The following HIBADH variants were observed in gnomAD, a reference collection of about 807,000 sequenced individuals.
HIBADH encodes 3-hydroxyisobutyrate dehydrogenase, mitochondrial.
HIBADH carries 25 observed loss-of-function variants against 36.1 expected under a neutral mutation model. The observed-to-expected ratio is 0.69, with a 90% CI of 0.50 to 0.97. HIBADH has a LOEUF of 0.97. Ranked by LOEUF, HIBADH falls within the 50% of genes least tolerant of loss-of-function variation. The pLI is 0.00. For synonymous variants in HIBADH, 160 were observed against 149.5 expected, an observed-to-expected ratio of 1.07 and a Z score of -0.51; for missense variants, 421 against 418.0, an observed-to-expected ratio of 1.01 and a Z score of -0.06.
At chr7:27,615,627 T>A (rs1785411683) in intron 4 of HIBADH, among the ~76,000 whole-genome samples, 1 of 152,220 alleles carries the variant, frequency 6.6e-6, no homozygotes, top group African/African-American at 2.4e-5. Context: ...TTTGTGGTGA[T>A]GCTGGTATAA....
intron 4 of HIBADH, among the ~76,000 whole-genome samples, chr7:27,573,683 T>TAG (rs1784662024): frequency 9.8e-5 from 15 of 152,298 alleles, no homozygotes; most frequent in Non-Finnish European, 1.3e-4. Flanking sequence ...GCAGACTCTC[T>TAG]AAGGCTGTGT....
intron 4 of HIBADH, among the ~76,000 whole-genome samples, chr7:27,625,945 T>C (rs1227336721): frequency 6.6e-6 from 1 of 151,484 alleles, no homozygotes; most frequent in African/African-American, 2.4e-5. Context: ...CTACTAAAAA[T>C]ACAAAAATTA....
Position 27,542,981 on chromosome 7 carries a change from C to G in HIBADH, c.604G>C (p.Val202Leu). Residue 202 changes from valine to leucine, a missense_variant, in exon 5 of 8, where the codon GTT (valine) becomes CTT (leucine). Transcript: ENST00000265395. ...MGSNVVYCGA[V>L]GTGQAAKICN... ...AAAAATCTTACCTGCCCAGTCCCAA[C>G]AGCTCCACAGTACACCACGTTGGAG... The G allele has an allele frequency of 1.2e-6, 2 of 1,613,626 alleles. No individual in the cohort carries two copies. Among genetic ancestry groups the G allele is most frequent in the Non-Finnish European group, 1.7e-6 (2 of 1,179,740 alleles).
chr7:27,639,196 C>T lies in HIBADH; in HGVS notation c.253-6751G>A, dbSNP rs577401415. Among the ~76,000 whole-genome samples the T allele has an allele frequency of 2.0e-5, 3 of 152,254 alleles. No homozygotes were observed. In the East Asian group the frequency reaches 5.8e-4, roughly 29 times the overall value. ...AAGACATGGAACCAACCTAAATGCCCATCAATGGTAGACTGAATAAAGAAA... is the reference window on the plus strand; with the variant it reads ...AAGACATGGAACCAACCTAAATGCCTATCAATGGTAGACTGAATAAAGAAA... On this transcript the variant is annotated intron_variant, in intron 2 of 7. Coordinates refer to ENST00000265395, the MANE Select transcript of HIBADH (RefSeq NM_152740.4).
intron 4 of HIBADH, among the ~76,000 whole-genome samples, chr7:27,606,875 C>A (rs776755751): frequency 3.9e-5 from 6 of 152,184 alleles, no homozygotes; most frequent in Non-Finnish European, 8.8e-5. Context: ...TTAAACTTTA[C>A]AGTTTTCAGT....
At chr7:27,574,490 C>T (rs562580850) in intron 4 of HIBADH, among the ~76,000 whole-genome samples, 2 of 151,938 alleles carry the variant, frequency 1.3e-5, no homozygotes, top group Admixed American at 6.5e-5. Flanking sequence ...ACATTCCAAA[C>T]TCCAAACAGG....
At chr7:27,564,484 C>T (rs986378445) in intron 4 of HIBADH, among the ~76,000 whole-genome samples, 4 of 152,278 alleles carry the variant, frequency 2.6e-5, no homozygotes, top group African/African-American at 9.6e-5. Flanking sequence ...AAAACATTCA[C>T]GAGTCTTATT....
At chr7:27,637,128 A>T (rs1343193634) in intron 2 of HIBADH, among the ~76,000 whole-genome samples, 1 of 152,228 alleles carries the variant, frequency 6.6e-6, no homozygotes, top group East Asian at 1.9e-4. Context: ...TAGTAGTAGC[A>T]GCAGCAGTAA....
intron 1 of HIBADH, among the ~76,000 whole-genome samples, chr7:27,661,905 G>A (rs921519121): frequency 6.6e-6 from 1 of 152,044 alleles, no homozygotes; most frequent in East Asian, 1.9e-4. Context: ...CTCATCCAAG[G>A]GGCCTCATGT....
At chr7:27,630,729 C>A (rs954637119) in intron 3 of HIBADH, among the ~76,000 whole-genome samples, 3 of 151,634 alleles carry the variant, frequency 2.0e-5, no homozygotes, top group African/African-American at 7.3e-5. Context: ...AGCAAGACCT[C>A]GTCTAAAATA....
chr7:27,595,115 C>T (rs1785009218), intron 4 of HIBADH, among the ~76,000 whole-genome samples: 1 of 151,964 alleles, frequency 6.6e-6, no homozygotes. Context: ...TATGATAATT[C>T]CAAGCTTCTG....
At chr7:27,594,421 G>T (rs1468270341) in intron 4 of HIBADH, among the ~76,000 whole-genome samples, 2 of 152,142 alleles carry the variant, frequency 1.3e-5, no homozygotes. Flanking sequence ...GGGATTACAG[G>T]CGTGAGCCAC....
chr7:27,650,712 T>TA (rs59073946), intron 1 of HIBADH, among the ~76,000 whole-genome samples: 216 of 126,260 alleles, frequency 1.7e-3, no homozygotes, highest in Admixed American at 6.1e-3. Context: ...AGGCTGCCAT[T>TA]AAAAAAAAAA....
At chr7:27,600,929 C>T (rs1174773694) in intron 4 of HIBADH, among the ~76,000 whole-genome samples, 1 of 152,052 alleles carries the variant, frequency 6.6e-6, no homozygotes, top group Admixed American at 6.5e-5. Flanking sequence ...ACTGAATTCT[C>T]GTTCTTAGAA....
At chr7:27,643,306 G>A (rs1763825182) in intron 2 of HIBADH, among the ~76,000 whole-genome samples, 1 of 152,196 alleles carries the variant, frequency 6.6e-6, no homozygotes, top group South Asian at 2.1e-4. Flanking sequence ...CAAAAAAGGA[G>A]AGAATATCTG....
chr7:27,600,962 T>C (rs1465321740), intron 4 of HIBADH, among the ~76,000 whole-genome samples: 1 of 152,136 alleles, frequency 6.6e-6, no homozygotes, highest in Non-Finnish European at 1.5e-5. Flanking sequence ...ATTGGGTAAG[T>C]GGGTTTTGGT....
At chr7:27,527,731 C>T (rs1186607253) in intron 7 of HIBADH, among the ~76,000 whole-genome samples, 4 of 148,622 alleles carry the variant, frequency 2.7e-5, no homozygotes, top group African/African-American at 5.0e-5. Flanking sequence ...ATTTCTGTTA[C>T]GGTGATCTGC....
chr7:27,532,340 C>T (rs1360967897), intron 6 of HIBADH, among the ~76,000 whole-genome samples: 1 of 152,132 alleles, frequency 6.6e-6, no homozygotes, highest in Non-Finnish European at 1.5e-5. Context: ...TTTCTTAAAA[C>T]CAACCTCTTC....
At chr7:27,588,559 G>A (rs533787520) in intron 4 of HIBADH, among the ~76,000 whole-genome samples, 18 of 152,212 alleles carry the variant, frequency 1.2e-4, no homozygotes, top group African/African-American at 4.3e-4. Context: ...TCTAACTCCT[G>A]GCCTCAAGTG....
Sources: allele counts gnomAD v4.1 joint callset (sites outside exome capture counted in the v4.1 genomes callset), GRCh38; gene constraint gnomAD v4.1.1; transcripts MANE v1.5; gene names NCBI Gene and HGNC (gene_info 2026-07-23, HGNC 2026-07-21).